The following SPC25 variants were observed in gnomAD, a reference collection of about 807,000 sequenced individuals.
The protein encoded by SPC25 is SPC25 component of NDC80 kinetochore complex, also known as kinetochore protein Spc25.
SPC25 carries 22 observed loss-of-function variants against 29.6 expected under a neutral mutation model. The observed-to-expected ratio is 0.74, with a 90% CI of 0.53 to 1.06. The LOEUF is 1.06. Ranked by LOEUF, SPC25 falls within the 50% of genes least tolerant of loss-of-function variation. The pLI is 0.00. For synonymous variants in SPC25, 91 were observed against 90.4 expected, an observed-to-expected ratio of 1.01 and a Z score of -0.04; for missense variants, 230 against 255.8, an observed-to-expected ratio of 0.90 and a Z score of 0.69.
At chr2:168,886,487 G>A (rs890206341) in intron 3 of SPC25, among the ~76,000 whole-genome samples, 3 of 151,610 alleles carry the variant, frequency 2.0e-5, no homozygotes, top group Non-Finnish European at 4.4e-5. Flanking sequence ...AATTAAACTT[G>A]AGTAAACTGT....
chr2:168,872,065 C>T (rs1265664974), intron 6 of SPC25, among the ~76,000 whole-genome samples: 2 of 151,942 alleles, frequency 1.3e-5, no homozygotes, highest in Non-Finnish European at 2.9e-5. Flanking sequence ...CAAACTGCCT[C>T]CTGGCTTCAA....
chr2:168,873,424 T>C (rs1207200996), intron 6 of SPC25, among the ~76,000 whole-genome samples, 161 bp downstream of exon 6: 1 of 152,182 alleles, frequency 6.6e-6, no homozygotes, highest in Non-Finnish European at 1.5e-5. Flanking sequence ...ATCAAGACTA[T>C]ATTCACTTCC....
intron 4 of SPC25, chr2:168,863,717 A>T: frequency 1.1e-6 from 1 of 913,478 alleles, no homozygotes. Flanking sequence ...TAATGCAGAG[A>T]CATTGTCTTG....
downstream of SPC25, among the ~76,000 whole-genome samples, chr2:168,865,928 C>A (rs1271425266): frequency 1.3e-5 from 2 of 152,244 alleles, no homozygotes; most frequent in Non-Finnish European, 2.9e-5. Flanking sequence ...ATGTGAAGGA[C>A]CTCTTCAAGG....
chr2:168,862,098 T>G, intron 4 of SPC25: 1 of 1,520,436 alleles, frequency 6.6e-7, no homozygotes, highest in Non-Finnish European at 9.1e-7. Flanking sequence ...ATTGAGATTC[T>G]TAGCATGAAT....
chr2:168,874,132 C>G (rs1690044880), intron 5 of SPC25, among the ~76,000 whole-genome samples: 1 of 152,112 alleles, frequency 6.6e-6, no homozygotes, highest in South Asian at 2.1e-4. Context: ...CAAAAAGATG[C>G]TCAACATCAT....
At position 168,871,296 on chromosome 2, in the gene SPC25, T is replaced by C; in HGVS notation, c.*135A>G. The C allele has an allele frequency of 1.3e-6, 1 of 765,412 alleles. No individual in the cohort carries two copies. Among genetic ancestry groups the C allele is most frequent in the Non-Finnish European group, 2.0e-6 (1 of 503,180 alleles). 47.4% of individuals were successfully genotyped at this position (765,412 alleles called of 1,614,324 possible). On this transcript the variant is annotated 3_prime_UTR_variant, in exon 7 of 7. Coordinates refer to ENST00000282074, the MANE Select transcript of SPC25 (RefSeq NM_020675.4). ...GTGCAGCACACCAATATGGCACATG[T>C]ATACATATGTAACAAACCTGCACAT...
In SPC25 at chr2:168,864,864, AAGG is replaced by A. The variant is rs760255428; in HGVS notation, n.419+8718_419+8720del. 1.7e-5 allele frequency: 28 copies of A among 1,614,018 alleles called. No individual in the cohort carries two copies. The East Asian group carries it at 1.8e-4, about 10-fold the overall frequency. On this transcript the variant is annotated intron_variant and non_coding_transcript_variant, in intron 4 of 4. Transcript: ENST00000479309. ...ATTGTGATTATACACGAGAAAAAAG[AAGG>A]AGGATGGTGGTTTGGATCTTTGAAT...
At chr2:168,868,224 T>A (rs562198454), downstream of SPC25, among the ~76,000 whole-genome samples, 1 of 152,242 alleles carries the variant, frequency 6.6e-6, no homozygotes, top group Non-Finnish European at 1.5e-5. Context: ...GGGAAATTTA[T>A]AGCACTAAAT....
chr2:168,887,740 G>T (rs1240274071), intron 3 of SPC25, among the ~76,000 whole-genome samples: 1 of 152,216 alleles, frequency 6.6e-6, no homozygotes, highest in East Asian at 1.9e-4. Flanking sequence ...CTGGAGAGTA[G>T]TAGAAATAAG....
At chr2:168,866,153 C>T (rs1689844484), downstream of SPC25, among the ~76,000 whole-genome samples, 1 of 152,302 alleles carries the variant, frequency 6.6e-6, no homozygotes, top group African/African-American at 2.4e-5. Context: ...AAAAAAGAGC[C>T]CACATTGCCA....
At position 168,870,959 on chromosome 2, in the gene SPC25, A is replaced by G. The variant is rs529839581; in HGVS notation, c.*472T>C. Reference sequence around the variant, plus strand: ...ATAGCAAAGACTTGGAACCAACCCAAATGTCCAACAATGATAGACTGGATT... The same window carrying G: ...ATAGCAAAGACTTGGAACCAACCCAGATGTCCAACAATGATAGACTGGATT... On this transcript the variant is annotated 3_prime_UTR_variant, in exon 7 of 7. Transcript: ENST00000282074. 2 of 152,004 alleles carry G rather than the reference A, an allele frequency of 1.3e-5. No individual in the cohort carries two copies. The highest frequency in any genetic ancestry group is 1.3e-4 in the Admixed American group (2 of 15,280). 9.4% of individuals were successfully genotyped at this position (152,004 alleles called of 1,614,324 possible). A position where few individuals can be genotyped will look rare whatever the true frequency, so the allele number is the denominator to read the frequency against.
intron 3 of SPC25, among the ~76,000 whole-genome samples, chr2:168,883,556 G>A (rs1185197425): frequency 1.3e-5 from 2 of 152,074 alleles, no homozygotes; most frequent in South Asian, 2.1e-4. Flanking sequence ...TCAAAATCAC[G>A]ACTTCTGAAA....
At chr2:168,876,765 T>C (rs1029582218) in intron 4 of SPC25, among the ~76,000 whole-genome samples, 2 of 152,096 alleles carry the variant, frequency 1.3e-5, no homozygotes, top group South Asian at 2.1e-4. Context: ...ATTTGAAGAA[T>C]AGACTACCTA....
intron 3 of SPC25, among the ~76,000 whole-genome samples, 189 bp downstream of exon 3, chr2:168,889,037 A>ATATACATATATATACACATATATGTG (rs1690336947): frequency 9.5e-6 from 1 of 104,884 alleles, no homozygotes. Context: ...ATATATACAT[A>ATATACATATATATACACATATATGTG]TATATATACA....
In SPC25 at chr2:168,887,672, CAT is replaced by C. The variant is rs201057818; in HGVS notation, c.199+1552_199+1553del. On this transcript the variant is annotated intron_variant, in intron 3 of 6. Transcript: ENST00000282074. ...TCTAGTGGAATTTGAACTGTGGACA[CAT>C]GTTTGTGTCCTGTGTGTAAGAATTC... is the stretch of plus-strand genomic sequence containing the variant. Among the ~76,000 whole-genome samples, 53 of 150,192 alleles carry C rather than the reference CAT, an allele frequency of 3.5e-4. No homozygotes were observed. The East Asian group carries it at 7.2e-3, about 20-fold the overall frequency.
Position 168,889,499 on chromosome 2 carries a change from T to C in SPC25, c.21A>G (p.Ala7=), listed in dbSNP as rs753021084. The change falls in exon 2 of 7, where the codon GCA becomes GCG. Residue 7 remains alanine (A), a synonymous_variant. Transcript: ENST00000282074. MVEDEL[A]LFDKSINEFW... is the part of the protein sequence containing the mutation. The stretch of plus-strand genomic sequence containing the variant: ...ATTCATTTATGCTTTTATCGAAAAG[T>C]GCCAGTTCGTCCTCTACCATTATGT... 16 of 1,613,700 alleles carry C rather than the reference T, an allele frequency of 9.9e-6. No individual in the cohort carries two copies. In the Middle Eastern group the frequency reaches 1.2e-3, roughly 116 times the overall value.
chr2:168,879,935 G>C lies in SPC25; in HGVS notation c.200-2551C>G, dbSNP rs140457744. 1.1e-3 allele frequency among the ~76,000 whole-genome samples: 167 copies of C among 152,272 alleles called. 1 individual carries two copies. Among genetic ancestry groups the C allele is most frequent in the African/African-American group, 3.9e-3 (161 of 41,544 alleles). ...TATTTTGAAAGCCATCTTTTTTCCT[G>C]AGTAGAAGGCCTCAACAGTGGGCCT... is the stretch of plus-strand genomic sequence containing the variant. On this transcript the variant is annotated intron_variant, in intron 3 of 6. Transcript: ENST00000282074.
At chr2:168,868,287 T>G (rs188862794), downstream of SPC25, among the ~76,000 whole-genome samples, 1 of 109,292 alleles carries the variant, frequency 9.1e-6, no homozygotes, top group East Asian at 2.8e-4. Context: ...ACATCACAAT[T>G]CAAAGAACTA....
Sources: allele counts gnomAD v4.1 joint callset (sites outside exome capture counted in the v4.1 genomes callset), GRCh38; gene constraint gnomAD v4.1.1; transcripts MANE v1.5; gene names NCBI Gene and HGNC (gene_info 2026-07-23, HGNC 2026-07-21).